The following CHN1 variants were observed in gnomAD, a reference collection of about 807,000 sequenced individuals.
The protein encoded by CHN1 is N-chimaerin.
Under a neutral mutation model 59.5 loss-of-function variants are expected in CHN1, and 37 were observed. The observed-to-expected ratio is 0.62, with a 90% CI of 0.48 to 0.82. CHN1 has a LOEUF of 0.82. CHN1 is among the 40% of genes least tolerant of loss of function. CHN1 has a pLI of 0.00. For synonymous variants in CHN1, 206 were observed against 200.4 expected, an observed-to-expected ratio of 1.03 and a Z score of -0.24; for missense variants, 469 against 571.0, an observed-to-expected ratio of 0.82 and a Z score of 1.82.
intron 5 of CHN1, among the ~76,000 whole-genome samples, chr2:174,902,033 G>A (rs899058835): frequency 2.0e-5 from 3 of 151,998 alleles, no homozygotes; most frequent in East Asian, 1.9e-4. Flanking sequence ...TGTATAACTC[G>A]GGAAAATGCT....
chr2:174,915,073 T>TA lies in CHN1; in HGVS notation c.244dup (p.Tyr82LeufsTer30). 6.2e-7 allele frequency: 1 copy of TA among 1,610,892 alleles called. No individual in the cohort carries two copies. The highest frequency in any genetic ancestry group is 8.5e-7 in the Non-Finnish European group (1 of 1,178,384). Reference sequence around the variant, plus strand: ...CATGACCAACCTTAAAGCCAAAGTGTAGGTCCCTGGCTGCCGCTGGCTCTC... The same window carrying TA: ...CATGACCAACCTTAAAGCCAAAGTGTAAGGTCCCTGGCTGCCGCTGGCTCTC... On this transcript the variant is annotated frameshift_variant, in exon 5 of 13. Transcript: ENST00000409900. LOFTEE classifies it high-confidence loss of function.
At chr2:174,822,370 T>C (rs1685526867) in intron 8 of CHN1, among the ~76,000 whole-genome samples, 1 of 152,218 alleles carries the variant, frequency 6.6e-6, no homozygotes, top group Admixed American at 6.5e-5. Flanking sequence ...ATTGACATGA[T>C]AAATGTTCCA....
At chr2:174,930,768 A>AT (rs145852596) in intron 3 of CHN1, among the ~76,000 whole-genome samples, 8,658 of 145,718 alleles carry the variant, frequency 0.059, 322 homozygotes, top group Non-Finnish European at 0.089. Flanking sequence ...ACTATAGCTG[A>AT]TTTTTTTTTT....
At chr2:174,931,199 C>T (rs764949801) in intron 3 of CHN1, among the ~76,000 whole-genome samples, 12 of 151,570 alleles carry the variant, frequency 7.9e-5, no homozygotes, top group Non-Finnish European at 1.5e-4. Context: ...TTCAATAATT[C>T]GCAGCTATCA....
At chr2:174,867,947 G>T (rs1182398703) in intron 6 of CHN1, among the ~76,000 whole-genome samples, 1 of 151,860 alleles carries the variant, frequency 6.6e-6, no homozygotes, top group Non-Finnish European at 1.5e-5. Context: ...AATGAACATG[G>T]GTTACTTAAA....
chr2:174,847,062 C>G (rs1318860734), intron 6 of CHN1, 105 bp from the exon 7 acceptor site: 2 of 1,551,654 alleles, frequency 1.3e-6, no homozygotes, highest in East Asian at 2.4e-5. Context: ...TGCTGACGGC[C>G]CTCTTGTTTT....
intron 1 of CHN1, among the ~76,000 whole-genome samples, chr2:174,963,558 G>A (rs776424849): frequency 5.3e-5 from 8 of 152,210 alleles, no homozygotes; most frequent in Non-Finnish European, 1.0e-4. Flanking sequence ...TGCAAACAAT[G>A]CAGAGTGGCT....
intron 8 of CHN1, among the ~76,000 whole-genome samples, chr2:174,812,703 C>T (rs1685117074): frequency 6.6e-6 from 1 of 151,850 alleles, no homozygotes; most frequent in Non-Finnish European, 1.5e-5. Flanking sequence ...CACGCTTCAT[C>T]GTTTAATTGC....
At chr2:174,811,382 GTTT>G in intron 10 of CHN1, 126 bp downstream of exon 10, 1 of 583,066 alleles carries the variant, frequency 1.7e-6, no homozygotes, top group Non-Finnish European at 3.0e-6. Flanking sequence ...TATAAGCTAA[GTTT>G]TTTAATTTGG....
chr2:174,996,055 G>A (rs1268107915), intron 1 of CHN1, among the ~76,000 whole-genome samples: 1 of 152,124 alleles, frequency 6.6e-6, no homozygotes, highest in Non-Finnish European at 1.5e-5. Flanking sequence ...GTAGATAATA[G>A]GGTTCTGTAC....
chr2:174,800,310 T>C (rs757643562), intron 12 of CHN1, 23 bp from the exon 13 acceptor site: 1 of 1,418,268 alleles, frequency 7.1e-7, no homozygotes, highest in Admixed American at 2.6e-5. Context: ...AGTACAGGAA[T>C]AAATGACTTT....
At chr2:174,915,347 C>CA in intron 4 of CHN1, 176 bp from the exon 5 acceptor site, 1 of 594,706 alleles carries the variant, frequency 1.7e-6, no homozygotes, top group Non-Finnish European at 3.0e-6. Flanking sequence ...ACCTGGCCCC[C>CA]AGCCAGCTTC....
Position 174,898,697 on chromosome 2 carries a change from A to C in CHN1, c.260+16361T>G, listed in dbSNP as rs13432861. Among the ~76,000 whole-genome samples the C allele has an allele frequency of 2.3e-3, 349 of 152,318 alleles. 4 individuals carry two copies. Among genetic ancestry groups the C allele is most frequent in the African/African-American group, 7.5e-3 (311 of 41,558 alleles). ...CCTACTGCAAAGATAGAATAATTTC[A>C]TTATTTTAAGATTTTTTTTCTACAA... is the stretch of plus-strand genomic sequence containing the variant. On this transcript the variant is annotated intron_variant, in intron 5 of 12. Transcript: ENST00000409900.
At chr2:174,930,803 C>T (rs1689321662) in intron 3 of CHN1, among the ~76,000 whole-genome samples, 4 of 151,802 alleles carry the variant, frequency 2.6e-5, no homozygotes, top group African/African-American at 9.7e-5. Flanking sequence ...CTCGCTCTGC[C>T]TCCCAGGCTG....
In CHN1 at chr2:174,932,027, G is replaced by C. The variant is rs1435588593; in HGVS notation, c.114+12861C>G. Among the ~76,000 whole-genome samples, 4 of 152,276 alleles carry C rather than the reference G, an allele frequency of 2.6e-5. No individual in the cohort carries two copies. The East Asian group carries it at 7.7e-4, about 29-fold the overall frequency. On this transcript the variant is annotated intron_variant, in intron 3 of 12. Coordinates refer to ENST00000409900, the MANE Select transcript of CHN1 (RefSeq NM_001822.7). Reference sequence around the variant, plus strand: ...CTCTGAGTGACAGGGAAAGCCAATGGAGAGTTCTGAGCAGAACAGTGACAT... The same window carrying C: ...CTCTGAGTGACAGGGAAAGCCAATGCAGAGTTCTGAGCAGAACAGTGACAT...
intron 1 of CHN1, among the ~76,000 whole-genome samples, chr2:174,975,352 G>A (rs942012790): frequency 3.9e-5 from 6 of 152,030 alleles, no homozygotes; most frequent in Non-Finnish European, 7.4e-5. Context: ...CAAGAAATCA[G>A]TATTCTTTCA....
intron 1 of CHN1, among the ~76,000 whole-genome samples, chr2:174,993,343 T>C (rs1691609990): frequency 1.3e-5 from 2 of 152,164 alleles, no homozygotes; most frequent in African/African-American, 2.4e-5. Flanking sequence ...CAACCTATCA[T>C]GATTATCTTA....
chr2:174,849,577 A>G (rs1054037242), intron 6 of CHN1, among the ~76,000 whole-genome samples: 3 of 152,198 alleles, frequency 2.0e-5, no homozygotes, highest in African/African-American at 2.4e-5. Context: ...TATAATCAAT[A>G]GTCTGACATT....
intron 7 of CHN1, among the ~76,000 whole-genome samples, chr2:174,826,682 T>C (rs1685690945): frequency 6.6e-6 from 1 of 152,182 alleles, no homozygotes; most frequent in South Asian, 2.1e-4. Context: ...ACTGAGCTGT[T>C]TTAATAGAAC....
Sources: allele counts gnomAD v4.1 joint callset (sites outside exome capture counted in the v4.1 genomes callset), GRCh38; gene constraint gnomAD v4.1.1; transcripts MANE v1.5; gene names NCBI Gene and HGNC (gene_info 2026-07-23, HGNC 2026-07-21).